PIK3C2G: variants seen among roughly 807,000 people sequenced by gnomAD.
The protein encoded by PIK3C2G is phosphatidylinositol 3-kinase C2 domain-containing subunit gamma.
PIK3C2G carries 168 observed loss-of-function variants against 181.1 expected under a neutral mutation model. The observed-to-expected ratio is 0.93, with a 90% CI of 0.82 to 1.05. The LOEUF (loss-of-function observed/expected upper bound fraction) is 1.05, where lower values mean the gene tolerates loss of function less well. Ranked by LOEUF, PIK3C2G falls within the 50% of genes least tolerant of loss-of-function variation. PIK3C2G has a pLI of 0.00. For synonymous variants in PIK3C2G, 573 were observed against 592.2 expected (o/e 0.97, Z 0.47); for missense variants, 1,869 against 1,732.8 (o/e 1.08, Z -1.40).
chr12:18,591,388 A>G (rs74540220), intron 29 of PIK3C2G, among the ~76,000 whole-genome samples: 1,782 of 152,030 alleles, frequency 0.012, 18 homozygotes, highest in Non-Finnish European at 0.015. Context: ...ACACTGTTTT[A>G]TTGAAGAGGA....
At chr12:18,349,797 C>T (rs560338503) in intron 11 of PIK3C2G, among the ~76,000 whole-genome samples, 2 of 152,142 alleles carry the variant, frequency 1.3e-5, no homozygotes, top group Admixed American at 6.5e-5. Flanking sequence ...TTACAATGTC[C>T]GTGTGACCAT....
At chr12:18,273,943 C>T (rs1948859271) in intron 1 of PIK3C2G, among the ~76,000 whole-genome samples, 1 of 151,484 alleles carries the variant, frequency 6.6e-6, no homozygotes, top group Non-Finnish European at 1.5e-5. Flanking sequence ...ACAATGAACT[C>T]AAACAAATTT....
intron 1 of PIK3C2G, among the ~76,000 whole-genome samples, chr12:18,280,666 T>C (rs1949172967): frequency 6.6e-6 from 1 of 151,964 alleles, no homozygotes; most frequent in Non-Finnish European, 1.5e-5. Context: ...TATCCTGAGA[T>C]AATGGGGAAC....
At chr12:18,706,033 G>T in the PIK3C2G span, among the ~76,000 whole-genome samples, 1 of 151,596 alleles carries the variant, frequency 6.6e-6, no homozygotes, top group South Asian at 2.1e-4. Flanking sequence ...TCGAGACCAG[G>T]CTGGCCAACA....
chr12:18,541,739 C>T (rs1177609267), intron 25 of PIK3C2G, among the ~76,000 whole-genome samples: 1 of 151,738 alleles, frequency 6.6e-6, no homozygotes, highest in Non-Finnish European at 1.5e-5. Context: ...TGGTATTGCC[C>T]CAATTAAAGT....
At chr12:18,486,215 T>C (rs1335567184) in intron 18 of PIK3C2G, among the ~76,000 whole-genome samples, 2 of 152,110 alleles carry the variant, frequency 1.3e-5, no homozygotes, top group South Asian at 2.1e-4. Flanking sequence ...CAGGAGAACA[T>C]GTAATCTTGG....
chr12:18,705,404 C>T, the PIK3C2G span: 3 of 1,508,206 alleles, frequency 2.0e-6, no homozygotes, highest in Non-Finnish European at 2.8e-6. Flanking sequence ...TATTTTAAAA[C>T]TTACTTCTAA....
chr12:18,648,319 G>T lies in PIK3C2G; in HGVS notation c.*291G>T, dbSNP rs746351835. 3 of 232,496 alleles carry T rather than the reference G, an allele frequency of 1.3e-5. No homozygotes were observed. Among genetic ancestry groups the T allele is most frequent in the Admixed American group, 5.6e-5 (1 of 17,734 alleles). 14.4% of individuals were successfully genotyped at this position (232,496 alleles called of 1,614,324 possible). A position where few individuals can be genotyped will look rare whatever the true frequency, so the allele number is the denominator to read the frequency against. ...TTAATATATTTTAAATTAAACATAG[G>T]TTTACATTTGTTTTAATTGTGTGCC... On this transcript the variant is annotated 3_prime_UTR_variant, in exon 33 of 33. Transcript: ENST00000538779.
Position 18,581,609 on chromosome 12 carries a change from C to G in PIK3C2G, c.4012-12885C>G, listed in dbSNP as rs553888563. 2.0e-5 allele frequency among the ~76,000 whole-genome samples: 3 copies of G among 152,258 alleles called. No homozygotes were observed. The East Asian group carries it at 5.8e-4, about 29-fold the overall frequency. On this transcript the variant is annotated intron_variant, in intron 29 of 32. Coordinates refer to ENST00000538779, the MANE Select transcript of PIK3C2G (RefSeq NM_001288772.2). ...TGAACATTTACTGTGATGGCAAAAA[C>G]TTGGGAATGGAGAGTGGGGCAAGAA...
chr12:18,342,159 G>C lies in PIK3C2G; in HGVS notation c.1396-1168G>C, dbSNP rs202192938. On this transcript the variant is annotated intron_variant, in intron 9 of 32. Coordinates refer to ENST00000538779, the MANE Select transcript of PIK3C2G (RefSeq NM_001288772.2). ...ATATTTCTAAATAAATTGAATTTTA[G>C]TTAAATCAGTCTAACATTTTTAATA... 2.2e-4 allele frequency among the ~76,000 whole-genome samples: 34 copies of C among 152,156 alleles called. No individual in the cohort carries two copies. In the East Asian group the frequency reaches 6.4e-3, roughly 29 times the overall value.
chr12:18,696,770 C>T, the PIK3C2G span, among the ~76,000 whole-genome samples: 2 of 152,054 alleles, frequency 1.3e-5, no homozygotes, highest in Non-Finnish European at 2.9e-5. Context: ...GAAAGGCACC[C>T]CAAAGTTGTC....
At chr12:18,421,315 T>C (rs958941430) in intron 17 of PIK3C2G, among the ~76,000 whole-genome samples, 5 of 151,992 alleles carry the variant, frequency 3.3e-5, no homozygotes, top group Non-Finnish European at 7.4e-5. Context: ...TATAAATATG[T>C]ATATATAAAA....
chr12:18,311,968 T>C (rs933747472), intron 5 of PIK3C2G, among the ~76,000 whole-genome samples: 1 of 152,068 alleles, frequency 6.6e-6, no homozygotes, highest in Non-Finnish European at 1.5e-5. Context: ...AATCTGATGT[T>C]TGAGAGCAGG....
At chr12:18,478,014 AG>A (rs1939175853) in intron 18 of PIK3C2G, among the ~76,000 whole-genome samples, 1 of 152,212 alleles carries the variant, frequency 6.6e-6, no homozygotes, top group African/African-American at 2.4e-5. Context: ...ACATTCATAT[AG>A]CAAAGGAATT....
At chr12:18,345,751 A>C (rs984687587) in intron 10 of PIK3C2G, among the ~76,000 whole-genome samples, 1 of 152,210 alleles carries the variant, frequency 6.6e-6, no homozygotes, top group Non-Finnish European at 1.5e-5. Context: ...ACTTAAGGTA[A>C]CAAACTGTGG....
At chr12:18,534,302 T>C (rs1943725287) in intron 24 of PIK3C2G, among the ~76,000 whole-genome samples, 2 of 152,084 alleles carry the variant, frequency 1.3e-5, no homozygotes, top group Non-Finnish European at 2.9e-5. Context: ...ATAATTATTA[T>C]CCGTAATATA....
At chr12:18,315,968 T>C in intron 6 of PIK3C2G, among the ~76,000 whole-genome samples, 1 of 151,812 alleles carries the variant, frequency 6.6e-6, no homozygotes, top group Admixed American at 6.6e-5. Flanking sequence ...GTCTGGGGCA[T>C]GATCGGTGAT....
At chr12:18,464,071 T>C (rs1174112406) in intron 18 of PIK3C2G, among the ~76,000 whole-genome samples, 1 of 152,114 alleles carries the variant, frequency 6.6e-6, no homozygotes, top group Admixed American at 6.6e-5. Context: ...AAATCATAAA[T>C]TGTGGATTTG....
At chr12:18,622,270 A>G (rs528885391) in intron 31 of PIK3C2G, among the ~76,000 whole-genome samples, 12 of 151,758 alleles carry the variant, frequency 7.9e-5, no homozygotes, top group Non-Finnish European at 1.2e-4. Flanking sequence ...TATGAGTTCA[A>G]TTGTTTTAGA....
Sources: allele counts gnomAD v4.1 joint callset (sites outside exome capture counted in the v4.1 genomes callset), GRCh38; gene constraint gnomAD v4.1.1; transcripts MANE v1.5; gene names NCBI Gene and HGNC (gene_info 2026-07-23, HGNC 2026-07-21).